SAMD5: variants seen among roughly 807,000 people sequenced by gnomAD.
SAMD5 encodes the protein sterile alpha motif domain containing 5, also known as sterile alpha motif domain-containing protein 5.
SAMD5 carries 13 observed loss-of-function variants against 11.3 expected under a neutral mutation model. That is an observed-to-expected ratio of 1.15 (90% CI 0.75 to 1.83). The LOEUF (loss-of-function observed/expected upper bound fraction) is 1.83, where lower values mean the gene tolerates loss of function less well. Among genes scored for constraint, SAMD5 ranks in the 40% most tolerant of loss-of-function variants. SAMD5 has a pLI of 0.00. For synonymous variants in SAMD5, 129 were observed against 111.3 expected (o/e 1.16, Z -1.00); for missense variants, 255 against 239.1 (o/e 1.07, Z -0.44).
intron 1 of SAMD5, among the ~76,000 whole-genome samples, chr6:147,511,348 C>G (rs1788085660): frequency 6.6e-6 from 1 of 152,232 alleles, no homozygotes; most frequent in Non-Finnish European, 1.5e-5. Context: ...GAACTCTGGT[C>G]TCCTGCCTAG....
chr6:147,522,837 C>A (rs377677657), intron 1 of SAMD5, among the ~76,000 whole-genome samples: 8 of 152,298 alleles, frequency 5.3e-5, no homozygotes, highest in Admixed American at 1.3e-4. Flanking sequence ...CCCTGTTGCT[C>A]AAAAGGCAGC....
chr6:147,653,835 T>G (rs146908827), intron 1 of SAMD5, among the ~76,000 whole-genome samples: 3 of 152,320 alleles, frequency 2.0e-5, no homozygotes, highest in Admixed American at 6.5e-5. Flanking sequence ...GGTGAGCTCT[T>G]TATCCATGAG....
At chr6:147,921,816 T>G in the SAMD5 span, among the ~76,000 whole-genome samples, 1 of 152,172 alleles carries the variant, frequency 6.6e-6, no homozygotes, top group Non-Finnish European at 1.5e-5. Context: ...TCAGATGTAT[T>G]CATCTCAGAA....
At chr6:147,645,992 C>T (rs940202256) in intron 1 of SAMD5, among the ~76,000 whole-genome samples, 8 of 150,896 alleles carry the variant, frequency 5.3e-5, no homozygotes, top group Non-Finnish European at 1.2e-4. Flanking sequence ...GTCTCTATTT[C>T]TATATCTGTC....
chr6:147,845,756 CG>C, the SAMD5 span, among the ~76,000 whole-genome samples: 1 of 152,010 alleles, frequency 6.6e-6, no homozygotes, highest in South Asian at 2.1e-4. Flanking sequence ...GAGGGGAAAC[CG>C]GATTACTCAT....
intron 1 of SAMD5, among the ~76,000 whole-genome samples, chr6:147,684,638 C>T (rs1336526317): frequency 1.3e-5 from 2 of 152,092 alleles, no homozygotes; most frequent in East Asian, 1.9e-4. Flanking sequence ...ATCCTTTTTT[C>T]GATTTGAGCA....
At chr6:147,932,883 T>C in the SAMD5 span, among the ~76,000 whole-genome samples, 2 of 152,140 alleles carry the variant, frequency 1.3e-5, no homozygotes, top group African/African-American at 4.8e-5. Flanking sequence ...CTTCGGTAAA[T>C]TGATTTCTGT....
chr6:147,532,162 G>A (rs975584832), intron 1 of SAMD5, among the ~76,000 whole-genome samples: 1 of 152,052 alleles, frequency 6.6e-6, no homozygotes, highest in Non-Finnish European at 1.5e-5. Context: ...CAGTTTTGGA[G>A]GTACTAGTGT....
chr6:147,593,112 A>G (rs1239625839), intron 1 of SAMD5, among the ~76,000 whole-genome samples: 2 of 152,166 alleles, frequency 1.3e-5, no homozygotes, highest in Non-Finnish European at 2.9e-5. Context: ...CGATCTGGCC[A>G]GAAGTTAGTG....
At chr6:147,881,473 T>C in the SAMD5 span, among the ~76,000 whole-genome samples, 6 of 152,160 alleles carry the variant, frequency 3.9e-5, no homozygotes, top group Non-Finnish European at 8.8e-5. Context: ...TAATACAGCA[T>C]TGGAGCATCA....
At chr6:147,598,317 G>T (rs536584485) in intron 1 of SAMD5, among the ~76,000 whole-genome samples, 2 of 152,010 alleles carry the variant, frequency 1.3e-5, no homozygotes, top group South Asian at 2.1e-4. Context: ...TAGAGACAGG[G>T]TTGCACCATG....
the SAMD5 span, among the ~76,000 whole-genome samples, chr6:147,875,410 C>T: frequency 6.6e-6 from 1 of 152,132 alleles, no homozygotes; most frequent in Non-Finnish European, 1.5e-5. Flanking sequence ...TTTACACCCC[C>T]ACATGCCTCT....
intron 1 of SAMD5, among the ~76,000 whole-genome samples, chr6:147,613,445 CAG>C (rs1172425153): frequency 4.6e-5 from 7 of 151,922 alleles, no homozygotes; most frequent in Non-Finnish European, 8.8e-5. Context: ...GGCTCAGAGA[CAG>C]GGATTATTCT....
intron 1 of SAMD5, among the ~76,000 whole-genome samples, chr6:147,707,196 T>C (rs1252216771): frequency 1.3e-5 from 2 of 152,260 alleles, no homozygotes; most frequent in Non-Finnish European, 2.9e-5. Flanking sequence ...CTTGACTTGC[T>C]CTTCAGTGAC....
chr6:147,509,919 CTTACCA>C (rs1417816610), intron 1 of SAMD5, among the ~76,000 whole-genome samples: 1 of 152,138 alleles, frequency 6.6e-6, no homozygotes, highest in Non-Finnish European at 1.5e-5. Flanking sequence ...ATTTGAGAAG[CTTACCA>C]TTCACATGAG....
chr6:147,725,787 A>T (rs1005214740), intron 1 of SAMD5, among the ~76,000 whole-genome samples: 4 of 152,200 alleles, frequency 2.6e-5, no homozygotes, highest in African/African-American at 7.2e-5. Flanking sequence ...GTTTATCCTG[A>T]CTTGAGGCAT....
At chr6:147,709,254 A>G (rs1229893094) in intron 1 of SAMD5, among the ~76,000 whole-genome samples, 2 of 152,208 alleles carry the variant, frequency 1.3e-5, no homozygotes, top group East Asian at 1.9e-4. Flanking sequence ...GATTTCTTAT[A>G]AAAATGTCAG....
the SAMD5 span, among the ~76,000 whole-genome samples, chr6:147,852,272 A>G: frequency 6.6e-6 from 1 of 152,154 alleles, no homozygotes; most frequent in Admixed American, 6.6e-5. Flanking sequence ...TATACTACAT[A>G]TGGATACCTC....
At chr6:147,835,251 A>AAC in the SAMD5 span, among the ~76,000 whole-genome samples, 3 of 151,260 alleles carry the variant, frequency 2.0e-5, no homozygotes, top group African/African-American at 7.3e-5. Context: ...AAAAAACAAA[A>AAC]AAAACAGTAT....
Sources: allele counts gnomAD v4.1 joint callset (sites outside exome capture counted in the v4.1 genomes callset), GRCh38; gene constraint gnomAD v4.1.1; transcripts MANE v1.5; gene names NCBI Gene and HGNC (gene_info 2026-07-23, HGNC 2026-07-21).